Variants in ACSS3 observed in about 807,000 individuals in gnomAD.
The protein encoded by ACSS3 is acyl-CoA synthetase short-chain family member 3, mitochondrial.
Under a neutral mutation model 84.2 loss-of-function variants are expected in ACSS3, and 64 were observed. That is an observed-to-expected ratio of 0.76 (90% CI 0.62 to 0.94). The LOEUF is 0.94. Among genes scored for constraint, ACSS3 ranks in the 40% least tolerant of loss-of-function variants. The pLI is 0.00. For synonymous variants in ACSS3, 317 were observed against 310.1 expected (o/e 1.02, Z -0.23); for missense variants, 815 against 867.6 (o/e 0.94, Z 0.76).
intron 5 of ACSS3, among the ~76,000 whole-genome samples, chr12:81,144,015 T>C (rs1886209939): frequency 6.6e-6 from 1 of 152,194 alleles, no homozygotes; most frequent in Non-Finnish European, 1.5e-5. Flanking sequence ...TGTAGAATTT[T>C]AGTAGGGGAC....
At chr12:81,193,928 A>G (rs902637500) in intron 8 of ACSS3, among the ~76,000 whole-genome samples, 1 of 151,920 alleles carries the variant, frequency 6.6e-6, no homozygotes, top group Non-Finnish European at 1.5e-5. Flanking sequence ...TTACTCTACA[A>G]AAATGTCTAA....
intron 9 of ACSS3, among the ~76,000 whole-genome samples, chr12:81,214,953 G>A (rs752747305): frequency 2.6e-5 from 4 of 152,158 alleles, no homozygotes; most frequent in Non-Finnish European, 5.9e-5. Flanking sequence ...TGTCTGAGAA[G>A]CTTCTCTTCC....
intron 2 of ACSS3, among the ~76,000 whole-genome samples, chr12:81,118,974 C>A (rs1321450329): frequency 6.6e-6 from 1 of 152,122 alleles, no homozygotes; most frequent in Admixed American, 6.6e-5. Context: ...TCAGAGAAGG[C>A]TTCACTATTG....
chr12:81,175,403 A>T (rs1417216371), intron 8 of ACSS3, among the ~76,000 whole-genome samples: 1 of 152,202 alleles, frequency 6.6e-6, no homozygotes, highest in Non-Finnish European at 1.5e-5. Flanking sequence ...ACTTAGGTAA[A>T]CACAGAATAA....
intron 2 of ACSS3, among the ~76,000 whole-genome samples, chr12:81,116,159 T>A (rs938159685): frequency 6.6e-6 from 1 of 152,040 alleles, no homozygotes; most frequent in African/African-American, 2.4e-5. Context: ...AATAGATGAG[T>A]ATATCCTAAA....
At chr12:81,132,983 T>C (rs558447776) in intron 2 of ACSS3, among the ~76,000 whole-genome samples, 2 of 152,298 alleles carry the variant, frequency 1.3e-5, no homozygotes, top group East Asian at 1.9e-4. Context: ...GTTCCATATA[T>C]AATTCAAGTT....
At chr12:81,124,359 G>GAA (rs1884900254) in intron 2 of ACSS3, 1 of 152,002 alleles carries the variant, frequency 6.6e-6, no homozygotes, top group African/African-American at 2.4e-5. Context: ...CTGTTATCCG[G>GAA]GTTAGGTTTT....
chr12:81,243,878 G>A (rs1188520069), intron 13 of ACSS3, among the ~76,000 whole-genome samples: 1 of 152,062 alleles, frequency 6.6e-6, no homozygotes, highest in African/African-American at 2.4e-5. Flanking sequence ...GAGGTAAATT[G>A]AGAACAAGAA....
intron 12 of ACSS3, 64 bp downstream of exon 12, chr12:81,231,202 T>C (rs2033450722): frequency 7.7e-7 from 1 of 1,295,764 alleles, no homozygotes; most frequent in Admixed American, 2.4e-5. Flanking sequence ...GCCTATTAAA[T>C]TGAGAAACTT....
chr12:81,228,821 G>A (rs1441875537), intron 11 of ACSS3, among the ~76,000 whole-genome samples: 1 of 151,798 alleles, frequency 6.6e-6, no homozygotes, highest in Non-Finnish European at 1.5e-5. Context: ...AGGAGTCTTT[G>A]CTGTGAGCAG....
chr12:81,139,255 G>C lies in ACSS3; in HGVS notation c.770G>C (p.Arg257Pro), dbSNP rs760262489. The change falls in exon 4 of 16, where the codon CGT (arginine) becomes CCT (proline). Residue 257 changes from arginine (R) to proline (P), a missense_variant. Physicochemically the swap from Arg to Pro is moderately radical, Grantham distance 103. Coordinates refer to ENST00000548058, the MANE Select transcript of ACSS3 (RefSeq NM_024560.4). ...HKPDKILIYNRPNMEAVPLAP... is the reference protein window; with the variant it reads ...HKPDKILIYNPPNMEAVPLAP... ...CCAGACAAAATTCTCATTTATAATC[G>C]TCCAAATATGGTAATCTGAATATTG... The C allele has an allele frequency of 5.0e-6, 8 of 1,613,524 alleles. No individual in the cohort carries two copies. Among genetic ancestry groups the C allele is most frequent in the African/African-American group, 4.0e-5 (3 of 74,886 alleles).
At chr12:81,217,668 C>T (rs941267568) in intron 10 of ACSS3, among the ~76,000 whole-genome samples, 1 of 151,950 alleles carries the variant, frequency 6.6e-6, no homozygotes, top group Admixed American at 6.6e-5. Flanking sequence ...CATGGTGAAA[C>T]CTCGTCTCTA....
intron 13 of ACSS3, among the ~76,000 whole-genome samples, chr12:81,241,953 G>A (rs1239745550): frequency 1.3e-5 from 2 of 152,030 alleles, no homozygotes; most frequent in South Asian, 2.1e-4. Flanking sequence ...TTTCTTCTAG[G>A]GTTTTTATGG....
chr12:81,134,791 TA>T, intron 2 of ACSS3, 24 bp from the exon 3 acceptor site: 3 of 1,473,322 alleles, frequency 2.0e-6, no homozygotes, highest in Non-Finnish European at 2.7e-6. Flanking sequence ...AAATACACTT[TA>T]CTGATTTAAT....
intron 10 of ACSS3, among the ~76,000 whole-genome samples, chr12:81,217,659 A>AGCC (rs2032969175): frequency 6.6e-6 from 1 of 152,118 alleles, no homozygotes; most frequent in Non-Finnish European, 1.5e-5. Context: ...CCTGGCCAAC[A>AGCC]TGGTGAAACC....
At chr12:81,083,608 C>T (rs192444383) in intron 1 of ACSS3, among the ~76,000 whole-genome samples, 1 of 152,086 alleles carries the variant, frequency 6.6e-6, no homozygotes, top group Admixed American at 6.5e-5. Flanking sequence ...GATCCGCTCA[C>T]CTCGGCCTCC....
chr12:81,138,255 TG>T (rs1885912167), intron 3 of ACSS3, among the ~76,000 whole-genome samples: 1 of 152,230 alleles, frequency 6.6e-6, no homozygotes, highest in African/African-American at 2.4e-5. Flanking sequence ...TGCAAATTAA[TG>T]AGTTCCGCAA....
At chr12:81,125,277 T>C (rs1466460346) in intron 2 of ACSS3, among the ~76,000 whole-genome samples, 1 of 152,196 alleles carries the variant, frequency 6.6e-6, no homozygotes, top group Non-Finnish European at 1.5e-5. Flanking sequence ...GCTAGTTTCT[T>C]ATCTATTTTC....
intron 1 of ACSS3, among the ~76,000 whole-genome samples, chr12:81,107,471 C>A: frequency 8.9e-6 from 1 of 112,136 alleles, no homozygotes. Flanking sequence ...TAAATAGTTT[C>A]CCTGCCAGAA....
Sources: allele counts gnomAD v4.1 joint callset (sites outside exome capture counted in the v4.1 genomes callset), GRCh38; gene constraint gnomAD v4.1.1; transcripts MANE v1.5; gene names NCBI Gene and HGNC (gene_info 2026-07-23, HGNC 2026-07-21).